Variants in TOP1 observed in about 807,000 individuals in gnomAD.
TOP1 encodes the protein DNA topoisomerase 1.
In TOP1, 10 loss-of-function variants were observed where a neutral mutation model predicts 111.1. The observed-to-expected ratio is 0.09, with a 90% CI of 0.06 to 0.15. The LOEUF (loss-of-function observed/expected upper bound fraction) is 0.15. Among genes scored for constraint, TOP1 ranks in the 10% least tolerant of loss-of-function variants. The pLI is 1.00. For missense variants in TOP1, 474 were observed against 926.7 expected (o/e 0.51, Z 6.34); for synonymous variants, 271 against 302.9 (o/e 0.89, Z 1.10).
chr20:41,119,919 A>G (rs1248693714), intron 18 of TOP1, among the ~76,000 whole-genome samples: 2 of 152,250 alleles, frequency 1.3e-5, no homozygotes, highest in East Asian at 3.8e-4. Context: ...ATGAATATTC[A>G]GGTGCTGTTT....
At chr20:41,054,598 G>T (rs945991226) in intron 2 of TOP1, among the ~76,000 whole-genome samples, 4 of 152,176 alleles carry the variant, frequency 2.6e-5, no homozygotes, top group African/African-American at 9.7e-5. Flanking sequence ...GTGTTTGAAA[G>T]CACGCTAGCA....
Position 41,118,568 on chromosome 20 carries a change from A to G in TOP1, c.1950+272A>G, listed in dbSNP as rs764436682. Among the ~76,000 whole-genome samples, 22 of 152,244 alleles carry G rather than the reference A, an allele frequency of 1.4e-4. No homozygotes were observed. Among genetic ancestry groups the G allele is most frequent in the Non-Finnish European group, 1.9e-4 (13 of 68,042 alleles). ...AAAAACTAACTTTGGTGTACATTCT[A>G]ATTGCTAATTACTGTCCTTATTGTA... On this transcript the variant is annotated intron_variant, in intron 18 of 20. Coordinates refer to ENST00000361337, the MANE Select transcript of TOP1 (RefSeq NM_003286.4). The surrounding 1 kb of genome is among the most constrained non-coding windows in gnomAD (Gnocchi z 4.6).
intron 3 of TOP1, chr20:41,072,586 T>G (rs2033680355): frequency 1.0e-6 from 1 of 985,284 alleles, no homozygotes; most frequent in African/African-American, 1.7e-5. Context: ...CTTTGCTACT[T>G]CCTTCAGGCA....
intron 8 of TOP1, among the ~76,000 whole-genome samples, chr20:41,089,713 A>G (rs755537261): frequency 2.0e-5 from 3 of 152,202 alleles, no homozygotes; most frequent in Non-Finnish European, 2.9e-5. Context: ...AGGAACTGCC[A>G]TACTATCTTT....
intron 3 of TOP1, among the ~76,000 whole-genome samples, chr20:41,065,492 C>T (rs758954004): frequency 6.6e-6 from 1 of 152,186 alleles, no homozygotes; most frequent in Admixed American, 6.5e-5. Context: ...ACCACTATCT[C>T]CAGAACTTTT....
In TOP1 at chr20:41,114,020, T is replaced by C; in HGVS notation, c.1503T>C (p.Thr501=). 6.2e-7 allele frequency: 1 copy of C among 1,614,050 alleles called. No individual in the cohort carries two copies. Among genetic ancestry groups the C allele is most frequent in the Non-Finnish European group, 8.5e-7 (1 of 1,179,912 alleles). The stretch of plus-strand genomic sequence containing the variant: ...AGGAGGAAGGAGAAACAGCGGACAC[T>C]GTGGGCTGCTGCTCACTTCGTGTGG... ...NEKEEGETAD[T]VGCCSLRVEH... is the part of the protein sequence containing the mutation. The change falls in exon 15 of 21, where the codon ACT becomes ACC. Residue 501 remains threonine (T), a synonymous_variant. Transcript: ENST00000361337. The surrounding 1 kb of genome is among the most constrained non-coding windows in gnomAD (Gnocchi z 4.5).
intron 2 of TOP1, among the ~76,000 whole-genome samples, chr20:41,044,723 A>C (rs1335123849): frequency 6.6e-6 from 1 of 152,146 alleles, no homozygotes; most frequent in Non-Finnish European, 1.5e-5. Flanking sequence ...TCATGATGGA[A>C]ATGTCCTATA....
chr20:41,096,552 G>A (rs1311129318), intron 9 of TOP1, among the ~76,000 whole-genome samples: 1 of 152,194 alleles, frequency 6.6e-6, no homozygotes, highest in Non-Finnish European at 1.5e-5. Flanking sequence ...ATAGGATTCA[G>A]TAGGTCTAGG....
intron 2 of TOP1, among the ~76,000 whole-genome samples, chr20:41,048,092 T>TAA (rs57371417): frequency 2.4e-4 from 30 of 125,638 alleles, no homozygotes; most frequent in East Asian, 2.0e-3. Flanking sequence ...GGCTATAAAT[T>TAA]AAAAAAAAAA....
At chr20:41,077,280 C>T (rs2033739232) in intron 4 of TOP1, among the ~76,000 whole-genome samples, 1 of 152,186 alleles carries the variant, frequency 6.6e-6, no homozygotes, top group Non-Finnish European at 1.5e-5. Flanking sequence ...CTGCCAATGG[C>T]AAATTCTTGA....
At chr20:41,085,067 A>G (rs905524691) in intron 8 of TOP1, among the ~76,000 whole-genome samples, 4 of 140,904 alleles carry the variant, frequency 2.8e-5, no homozygotes, top group Admixed American at 7.2e-5. Flanking sequence ...GCAGGTGGAC[A>G]CCTTCATGCC....
chr20:41,035,632 T>A (rs1209784887), intron 2 of TOP1, among the ~76,000 whole-genome samples: 2 of 152,190 alleles, frequency 1.3e-5, no homozygotes, highest in African/African-American at 4.8e-5. Flanking sequence ...CCCATTATTC[T>A]TTATATTGTT....
rs914829733 is a variant in TOP1, at chr20:41,059,324, A to T, written c.59-2070A>T. Among the ~76,000 whole-genome samples, 8 of 148,480 alleles carry T rather than the reference A, an allele frequency of 5.4e-5. 1 individual carries two copies. The highest frequency in any genetic ancestry group is 2.0e-4 in the East Asian group (1 of 4,890). ...ACATATACCCCTGAACTTAAAAGTT[A>T]AAAAAAAATGGTGTTAGAACAACTT... On this transcript the variant is annotated intron_variant, in intron 2 of 20. Coordinates refer to ENST00000361337, the MANE Select transcript of TOP1 (RefSeq NM_003286.4).
rs2033620139 is a variant in TOP1 at position 41,067,285 on chromosome 20, T to C, written c.155+5795T>C. Among the ~76,000 whole-genome samples, 1 of 151,972 alleles carries C rather than the reference T, an allele frequency of 6.6e-6. No individual in the cohort carries two copies. Among genetic ancestry groups the C allele is most frequent in the Non-Finnish European group, 1.5e-5 (1 of 67,988 alleles). On this transcript the variant is annotated intron_variant, in intron 3 of 20. Transcript: ENST00000361337. This position sits in a 1 kb window ranked among gnomAD's most constrained non-coding sequence, Gnocchi z 4.0. ...ACAGGCGCCTGCCACCACGCCGAGC[T>C]AATTTTTGTATTTTTGGTAGAGACG...
chr20:41,081,909 A>G (rs2033793473), intron 7 of TOP1, among the ~76,000 whole-genome samples: 1 of 152,194 alleles, frequency 6.6e-6, no homozygotes, highest in African/African-American at 2.4e-5. Context: ...ACCTTCCTCA[A>G]AAAACTCAGT....
At chr20:41,050,814 C>G (rs528916690) in intron 2 of TOP1, among the ~76,000 whole-genome samples, 2 of 152,260 alleles carry the variant, frequency 1.3e-5, no homozygotes, top group South Asian at 4.2e-4. Flanking sequence ...CACTCAAGAC[C>G]AGCTTGTTAT....
chr20:41,123,538 T>C lies in TOP1; in HGVS notation c.*241T>C. 2.5e-6 allele frequency: 1 copy of C among 407,020 alleles called. No homozygotes were observed. 25.2% of individuals were successfully genotyped at this position (407,020 alleles called of 1,614,324 possible). ...TTCTAGCTGTATGATTTGTTTTGAA[T>C]TTTGTTTTTATTTTCAAGAGGGCAA... On this transcript the variant is annotated 3_prime_UTR_variant, in exon 21 of 21. Coordinates refer to ENST00000361337, the MANE Select transcript of TOP1 (RefSeq NM_003286.4). This position sits in a 1 kb window ranked among gnomAD's most constrained non-coding sequence, Gnocchi z 5.8.
rs149371165 is a variant in TOP1 at position 41,066,337 on chromosome 20, A to G, written c.155+4847A>G. On this transcript the variant is annotated intron_variant, in intron 3 of 20. Transcript: ENST00000361337. ...TAAGTCTCGTGATCTTGGCTAGGTTACTTAACCTTCTTCAACTCAGTTTCT... is the reference window on the plus strand; with the variant it reads ...TAAGTCTCGTGATCTTGGCTAGGTTGCTTAACCTTCTTCAACTCAGTTTCT... Among the ~76,000 whole-genome samples, 18 of 151,880 alleles carry G rather than the reference A, an allele frequency of 1.2e-4. No homozygotes were observed. In the East Asian group the frequency reaches 3.1e-3, roughly 26 times the overall value.
rs2145938995 is a variant in TOP1 at position 41,082,200 on chromosome 20, A to G, written c.507+960A>G. On this transcript the variant is annotated intron_variant, in intron 7 of 20. Coordinates refer to ENST00000361337, the MANE Select transcript of TOP1 (RefSeq NM_003286.4). The surrounding 1 kb of genome is among the most constrained non-coding windows in gnomAD (Gnocchi z 4.1). The stretch of plus-strand genomic sequence containing the variant: ...TGTAAAGTGGACAGTTTGAAGTACC[A>G]GCAGTAAAGAGAATGATAGTGAAGG... Among the ~76,000 whole-genome samples the G allele has an allele frequency of 6.6e-6, 1 of 152,356 alleles. No individual in the cohort carries two copies. The highest frequency in any genetic ancestry group is 1.9e-4 in the East Asian group (1 of 5,196).
Sources: allele counts gnomAD v4.1 joint callset (sites outside exome capture counted in the v4.1 genomes callset), GRCh38; gene constraint gnomAD v4.1.1; non-coding constraint Gnocchi (gnomAD v3.1); transcripts MANE v1.5; gene names NCBI Gene and HGNC (gene_info 2026-07-23, HGNC 2026-07-21).